The following NBEAL1 variants were observed in gnomAD, a reference collection of about 807,000 sequenced individuals.
NBEAL1 encodes the protein neurobeachin-like protein 1.
Under a neutral mutation model 351.3 loss-of-function variants are expected in NBEAL1, and 273 were observed. That is an observed-to-expected ratio of 0.78 (90% CI 0.70 to 0.86). The LOEUF is 0.86. Ranked by LOEUF, NBEAL1 falls within the 40% of genes least tolerant of loss-of-function variation. The probability of loss-of-function intolerance (pLI) is 0.00; values close to 1 mark genes in which losing one functional copy is unlikely to be tolerated. For synonymous variants in NBEAL1, 1,050 were observed against 1,086.4 expected (o/e 0.97, Z 0.66); for missense variants, 2,961 against 3,201.3 (o/e 0.92, Z 1.81).
intron 33 of NBEAL1, among the ~76,000 whole-genome samples, chr2:203,146,022 A>T (rs1217587864): frequency 2.0e-5 from 3 of 151,588 alleles, no homozygotes; most frequent in Non-Finnish European, 4.4e-5. Flanking sequence ...AGAGAGAATG[A>T]TGTGAAAAAT....
intron 47 of NBEAL1, among the ~76,000 whole-genome samples, chr2:203,196,958 G>C (rs1160352422): frequency 6.6e-6 from 1 of 152,116 alleles, no homozygotes; most frequent in Admixed American, 6.6e-5. Flanking sequence ...TGAGAAACAT[G>C]TTCTTATATG....
chr2:203,173,792 A>G (rs1384824334), intron 41 of NBEAL1, among the ~76,000 whole-genome samples: 1 of 152,110 alleles, frequency 6.6e-6, no homozygotes, highest in Non-Finnish European at 1.5e-5. Flanking sequence ...TTTTAGTGGT[A>G]CATTTTTGCA....
intron 38 of NBEAL1, among the ~76,000 whole-genome samples, chr2:203,169,090 G>A (rs2064235735): frequency 6.6e-6 from 1 of 151,976 alleles, no homozygotes; most frequent in African/African-American, 2.4e-5. Context: ...GTATACTTGA[G>A]CAAGTTTTCT....
Position 203,141,197 on chromosome 2 carries a change from A to G in NBEAL1, c.4848+2449A>G, listed in dbSNP as rs145619027. 9.2e-3 allele frequency among the ~76,000 whole-genome samples: 1,308 copies of G among 142,080 alleles called. 12 individuals are homozygous for G. Among genetic ancestry groups the G allele is most frequent in the Middle Eastern group, 0.024 (7 of 286 alleles). The allele number at this position is 142,080 out of a possible 152,430, so 93.2% of individuals were successfully genotyped here. A position where few individuals can be genotyped will look rare whatever the true frequency, so the allele number is the denominator to read the frequency against. On this transcript the variant is annotated intron_variant, in intron 31 of 55. Coordinates refer to ENST00000683969, the MANE Select transcript of NBEAL1 (RefSeq NM_001378026.1). ...AGATGTTAGGACTTTTTTTTCTTTCATTTGTAGTTTACCCTCAGTGTTTTT... is the reference window on the plus strand; with the variant it reads ...AGATGTTAGGACTTTTTTTTCTTTCGTTTGTAGTTTACCCTCAGTGTTTTT...
intron 3 of NBEAL1, among the ~76,000 whole-genome samples, chr2:203,046,161 G>A (rs934616368): frequency 3.3e-5 from 5 of 151,842 alleles, no homozygotes; most frequent in African/African-American, 9.7e-5. Context: ...AAAAAAAATT[G>A]CAGATTACAG....
intron 10 of NBEAL1, among the ~76,000 whole-genome samples, chr2:203,095,929 T>C (rs2062174795): frequency 6.6e-6 from 1 of 151,908 alleles, no homozygotes; most frequent in Admixed American, 6.6e-5. Context: ...AGTTTTTGTA[T>C]TTTTAGTAGA....
chr2:203,189,899 G>T (rs529551120), intron 45 of NBEAL1, among the ~76,000 whole-genome samples: 20 of 151,822 alleles, frequency 1.3e-4, no homozygotes, highest in African/African-American at 4.3e-4. Context: ...ACTTTGGGAG[G>T]CTGGGGCAGG....
intron 36 of NBEAL1, among the ~76,000 whole-genome samples, chr2:203,158,974 T>C (rs1451909232): frequency 1.3e-5 from 2 of 151,800 alleles, no homozygotes; most frequent in Non-Finnish European, 2.9e-5. Context: ...CACACCACCA[T>C]GTCTAGCTCA....
At chr2:203,103,021 C>G (rs1665584881) in intron 12 of NBEAL1, among the ~76,000 whole-genome samples, 1 of 151,956 alleles carries the variant, frequency 6.6e-6, no homozygotes, top group South Asian at 2.1e-4. Flanking sequence ...CATTTTCTTC[C>G]TAGTTTGATC....
chr2:203,217,350 A>G lies in NBEAL1; in HGVS notation c.8168A>G (p.Lys2723Arg). The G allele has an allele frequency of 6.4e-7, 1 of 1,567,908 alleles. No homozygotes were observed. Among genetic ancestry groups the G allele is most frequent in the Admixed American group, 2.0e-5 (1 of 49,826 alleles). Residue 2723 changes from lysine to arginine, a missense_variant, in exon 56 of 56, where the codon AAG (lysine) becomes AGG (arginine). Transcript: ENST00000683969. ...ACTGAATATAATACTCAAGATTCCA[A>G]GTGATTGTTATTTCCATTTTCTGTT... ...GETEYNTQDSK is the reference protein window; with the variant it reads ...GETEYNTQDSR
intron 37 of NBEAL1, among the ~76,000 whole-genome samples, 157 bp from the exon 38 acceptor site, chr2:203,167,070 C>T (rs1428502089): frequency 6.6e-6 from 1 of 152,060 alleles, no homozygotes; most frequent in Non-Finnish European, 1.5e-5. Context: ...TTAAAAGAAC[C>T]AGTTTAAATA....
chr2:203,186,891 T>C (rs918366627), intron 44 of NBEAL1, among the ~76,000 whole-genome samples: 1 of 152,218 alleles, frequency 6.6e-6, no homozygotes, highest in Non-Finnish European at 1.5e-5. Context: ...CTCTTAAGAT[T>C]CCTAGACACT....
chr2:203,145,063 A>G lies in NBEAL1; in HGVS notation c.5207A>G (p.Glu1736Gly), dbSNP rs758169950. 3.8e-5 allele frequency: 62 copies of G among 1,612,414 alleles called. No homozygotes were observed. Among genetic ancestry groups the G allele is most frequent in the Admixed American group, 3.3e-4 (20 of 59,798 alleles). Residue 1736 changes from glutamate to glycine, a missense_variant, in exon 33 of 56, where the codon GAG (glutamate) becomes GGG (glycine). Coordinates refer to ENST00000683969, the MANE Select transcript of NBEAL1 (RefSeq NM_001378026.1). Reference sequence around the variant, plus strand: ...GCTCATACATTTTACGATGGTCATGAGAACATGGCACTTTATTGGAAGGAT... The same window carrying G: ...GCTCATACATTTTACGATGGTCATGGGAACATGGCACTTTATTGGAAGGAT... ...YEAHTFYDGHENMALYWKDCY... is the reference protein window; with the variant it reads ...YEAHTFYDGHGNMALYWKDCY...
At chr2:203,111,017 A>G (rs180932882) in intron 15 of NBEAL1, among the ~76,000 whole-genome samples, 1 of 152,128 alleles carries the variant, frequency 6.6e-6, no homozygotes, top group East Asian at 1.9e-4. Context: ...GCCCATCTCT[A>G]TAAGTAAATT....
chr2:203,036,296 A>T (rs1036507356), intron 2 of NBEAL1, among the ~76,000 whole-genome samples: 1 of 149,372 alleles, frequency 6.7e-6, no homozygotes, highest in South Asian at 2.1e-4. Context: ...TATAGAATGT[A>T]TAAAATGTGG....
At chr2:203,035,696 G>A (rs2061031007) in intron 2 of NBEAL1, among the ~76,000 whole-genome samples, 1 of 149,024 alleles carries the variant, frequency 6.7e-6, no homozygotes, top group Non-Finnish European at 1.5e-5. Context: ...GCTCAGAGAG[G>A]TGAAGTAACC....
intron 11 of NBEAL1, among the ~76,000 whole-genome samples, chr2:203,099,033 G>T (rs1190694443): frequency 6.6e-6 from 1 of 152,058 alleles, no homozygotes; most frequent in Non-Finnish European, 1.5e-5. Flanking sequence ...CCAGCACTTT[G>T]GGAGGCCGAG....
chr2:203,123,507 A>AT (rs200149325), intron 19 of NBEAL1, among the ~76,000 whole-genome samples: 4,050 of 151,554 alleles, frequency 0.027, 71 homozygotes, highest in Non-Finnish European at 0.041. Context: ...TGATTTTTGT[A>AT]TTTTTTAGTA....
intron 4 of NBEAL1, among the ~76,000 whole-genome samples, chr2:203,054,296 C>T (rs2061371554): frequency 6.6e-6 from 1 of 151,952 alleles, no homozygotes; most frequent in Admixed American, 6.6e-5. Context: ...AATGGTGCCA[C>T]ATGCTTGTAA....
Sources: gnomAD v4.1 joint callset for allele counts (sites outside exome capture counted in the v4.1 genomes callset) on GRCh38, gnomAD v4.1.1 for gene constraint, MANE v1.5 for transcripts, NCBI Gene and HGNC (gene_info 2026-07-23, HGNC 2026-07-21) for gene names.